The following AGXT2 variants were observed in gnomAD, a reference collection of about 807,000 sequenced individuals.
AGXT2 encodes alanine--glyoxylate aminotransferase 2.
Under a neutral mutation model 62.5 loss-of-function variants are expected in AGXT2, and 61 were observed. That is an observed-to-expected ratio of 0.98 (90% CI 0.79 to 1.21). The LOEUF (loss-of-function observed/expected upper bound fraction) is 1.21. Ranked by LOEUF, AGXT2 falls within the 50% of genes most tolerant of loss-of-function variation. AGXT2 has a pLI of 0.00. For synonymous variants in AGXT2, 243 were observed against 218.7 expected (o/e 1.11, Z -0.98); for missense variants, 666 against 641.5 (o/e 1.04, Z -0.41).
At chr5:35,034,264 A>C (rs567317897) in intron 5 of AGXT2, among the ~76,000 whole-genome samples, 1 of 152,024 alleles carries the variant, frequency 6.6e-6, no homozygotes, top group Non-Finnish European at 1.5e-5. Context: ...AAGGAGACAA[A>C]ATGTGTGTTG....
chr5:35,011,630 A>G (rs774084553), intron 11 of AGXT2, among the ~76,000 whole-genome samples: 7 of 152,020 alleles, frequency 4.6e-5, no homozygotes, highest in Non-Finnish European at 7.4e-5. Context: ...GAATAGGTAA[A>G]TCAAGTTCAT....
Position 35,035,256 on chromosome 5 carries a change from C to G in AGXT2, c.547G>C (p.Ala183Pro), listed in dbSNP as rs1767717980. Reference sequence around the variant, plus strand: ...ATGATGTCTATGTTGTTTGAGTGCGCCCTGGCCATCAGCATGGCCAGCTCA... The same window carrying G: ...ATGATGTCTATGTTGTTTGAGTGCGGCCTGGCCATCAGCATGGCCAGCTCA... The part of the protein sequence containing the change: ...ANELAMLMAR[A>P]HSNNIDIISF... The change falls in exon 5 of 14, where the codon GCG becomes CCG. Residue 183 changes from alanine (A) to proline (P), a missense_variant. Transcript: ENST00000231420. 5.0e-6 allele frequency: 8 copies of G among 1,614,146 alleles called. No homozygotes were observed. Among genetic ancestry groups the G allele is most frequent in the Non-Finnish European group, 5.9e-6 (7 of 1,180,014 alleles).
At chr5:35,013,918 A>C in intron 10 of AGXT2, 69 bp downstream of exon 10, 1 of 1,607,804 alleles carries the variant, frequency 6.2e-7, no homozygotes, top group Non-Finnish European at 8.5e-7. Flanking sequence ...ACAAGTTCCA[A>C]CACACGTGTT....
At chr5:34,998,859 C>A (rs765337670) in intron 13 of AGXT2, 33 bp from the exon 14 acceptor site, 4 of 1,444,780 alleles carry the variant, frequency 2.8e-6, no homozygotes, top group South Asian at 1.1e-5. Flanking sequence ...GAAAACAAAT[C>A]ATCAGAGAAT....
chr5:35,014,235 T>C (rs1766760209), intron 9 of AGXT2, 116 bp from the exon 10 acceptor site: 2 of 1,405,980 alleles, frequency 1.4e-6, no homozygotes, highest in South Asian at 2.4e-5. Context: ...AGGTGGATCA[T>C]GAGGTCAGGA....
chr5:35,018,994 T>C (rs2112218700), intron 9 of AGXT2, among the ~76,000 whole-genome samples: 1 of 108,854 alleles, frequency 9.2e-6, no homozygotes, highest in East Asian at 2.1e-4. Flanking sequence ...TACATAATGG[T>C]AAAGGGATCA....
At chr5:35,017,685 C>T (rs1481848825) in intron 9 of AGXT2, among the ~76,000 whole-genome samples, 3 of 152,182 alleles carry the variant, frequency 2.0e-5, no homozygotes, top group South Asian at 2.1e-4. Context: ...TCCAAAGGAA[C>T]GCAGTTCCTC....
intron 9 of AGXT2, among the ~76,000 whole-genome samples, chr5:35,020,071 G>A (rs1220059932): frequency 3.9e-5 from 6 of 152,172 alleles, no homozygotes; most frequent in Non-Finnish European, 5.9e-5. Flanking sequence ...TGAAATTGTG[G>A]CAATAATCAA....
intron 12 of AGXT2, among the ~76,000 whole-genome samples, chr5:35,008,666 C>T (rs1380381318): frequency 6.6e-6 from 1 of 152,182 alleles, no homozygotes; most frequent in Non-Finnish European, 1.5e-5. Flanking sequence ...TGGTGTCTTC[C>T]CTTGGCTTTC....
intron 7 of AGXT2, among the ~76,000 whole-genome samples, chr5:35,032,222 G>C: frequency 6.6e-6 from 1 of 151,670 alleles, no homozygotes; most frequent in Non-Finnish European, 1.5e-5. Flanking sequence ...AAAGTGCTGG[G>C]ATTATAGCTG....
intron 1 of AGXT2, among the ~76,000 whole-genome samples, chr5:35,041,981 T>C (rs1201814946): frequency 6.6e-6 from 1 of 152,220 alleles, no homozygotes; most frequent in Non-Finnish European, 1.5e-5. Context: ...GAATTTCACC[T>C]TTTAAAAAGC....
chr5:35,035,393 G>T, intron 4 of AGXT2, 77 bp from the exon 5 acceptor site: 1 of 1,230,218 alleles, frequency 8.1e-7, no homozygotes, highest in Non-Finnish European at 1.2e-6. Context: ...CTGAAGGGCA[G>T]GTGTCCAGCC....
rs188386308 is a variant in AGXT2, at chr5:35,041,524, C to A, written c.89-861G>T. Among the ~76,000 whole-genome samples, 155 of 152,258 alleles carry A rather than the reference C, an allele frequency of 1.0e-3. 1 individual carries two copies. Among genetic ancestry groups the A allele is most frequent in the Non-Finnish European group, 3.8e-4 (26 of 68,036 alleles). On this transcript the variant is annotated intron_variant, in intron 1 of 13. Coordinates refer to ENST00000231420, the MANE Select transcript of AGXT2 (RefSeq NM_031900.4). ...CCCTGCCAGCACAGACTTTGGCCCC[C>A]CTGCAGCAGTGGGATGGAATAATGG...
intron 13 of AGXT2, among the ~76,000 whole-genome samples, chr5:35,002,776 T>TGGCG (rs1554032849): frequency 8.1e-6 from 1 of 122,936 alleles, no homozygotes. Context: ...GATAGCAGGC[T>TGGCG]GGGGGGGGGG....
At chr5:35,010,210 C>T (rs776575702) in intron 11 of AGXT2, 61 bp from the exon 12 acceptor site, 30 of 1,604,802 alleles carry the variant, frequency 1.9e-5, no homozygotes, top group Middle Eastern at 1.7e-4. Flanking sequence ...GACTGAGAAT[C>T]GTGGAGAAGT....
intron 9 of AGXT2, among the ~76,000 whole-genome samples, chr5:35,017,953 A>C (rs1394321268): frequency 6.6e-6 from 1 of 152,242 alleles, no homozygotes; most frequent in Non-Finnish European, 1.5e-5. Flanking sequence ...TGATGAGATC[A>C]ACTGGAAGAA....
chr5:35,031,080 T>C (rs1285870571), intron 7 of AGXT2, among the ~76,000 whole-genome samples: 1 of 152,154 alleles, frequency 6.6e-6, no homozygotes, highest in African/African-American at 2.4e-5. Context: ...TTCATGCAGC[T>C]CCTCAGTCCT....
chr5:35,045,569 G>A (rs891414633), intron 1 of AGXT2, among the ~76,000 whole-genome samples: 1 of 152,122 alleles, frequency 6.6e-6, no homozygotes, highest in African/African-American at 2.4e-5. Context: ...TTGCCTGAAT[G>A]TATATATTGC....
At chr5:35,037,459 G>A (rs761140331) in intron 3 of AGXT2, among the ~76,000 whole-genome samples, 16 of 152,090 alleles carry the variant, frequency 1.1e-4, no homozygotes, top group Non-Finnish European at 1.8e-4. Flanking sequence ...TTCTAAAGAA[G>A]AAGAGATTCA....
Sources: gnomAD v4.1 joint callset for allele counts (sites outside exome capture counted in the v4.1 genomes callset) on GRCh38, gnomAD v4.1.1 for gene constraint, MANE v1.5 for transcripts, NCBI Gene and HGNC (gene_info 2026-07-23, HGNC 2026-07-21) for gene names.